Variants in KLF12 observed in about 807,000 individuals in gnomAD.
KLF12 encodes KLF transcription factor 12.
Under a neutral mutation model 37.8 loss-of-function variants are expected in KLF12, and 9 were observed. The observed-to-expected ratio is 0.24, with a 90% CI of 0.14 to 0.42. KLF12 has a LOEUF of 0.42. Ranked by LOEUF, KLF12 falls within the 10% of genes least tolerant of loss-of-function variation. The pLI, the probability that KLF12 is intolerant of heterozygous loss-of-function variation, is 1.00. For synonymous variants in KLF12, 208 were observed against 202.1 expected (o/e 1.03, Z -0.25); for missense variants, 411 against 516.0 (o/e 0.80, Z 1.97).
intron 1 of KLF12, among the ~76,000 whole-genome samples, chr13:74,035,359 A>T (rs9318241): frequency 0.04 from 6,124 of 152,222 alleles, 249 homozygotes; most frequent in East Asian, 0.2. Flanking sequence ...TGTGGATGAG[A>T]AACCCTTGGA....
intron 4 of KLF12, among the ~76,000 whole-genome samples, chr13:73,835,394 T>C (rs185088878): frequency 8.5e-5 from 13 of 152,088 alleles, no homozygotes; most frequent in Admixed American, 4.6e-4. Flanking sequence ...CCATATTACA[T>C]GACTTCTGGA....
chr13:74,147,272 G>T, the KLF12 span, among the ~76,000 whole-genome samples: 1 of 152,190 alleles, frequency 6.6e-6, no homozygotes, highest in Non-Finnish European at 1.5e-5. Flanking sequence ...ACCCCTTCCT[G>T]GTTGGAGAAG....
chr13:74,169,319 A>C, the KLF12 span, among the ~76,000 whole-genome samples: 39,941 of 152,168 alleles, frequency 0.26, 7,923 homozygotes, highest in African/African-American at 0.56. Context: ...ACCATCTAAC[A>C]CTAACATTGT....
At chr13:73,852,489 T>C (rs2138732992) in intron 3 of KLF12, among the ~76,000 whole-genome samples, 1 of 152,250 alleles carries the variant, frequency 6.6e-6, no homozygotes, top group East Asian at 1.9e-4. Flanking sequence ...GTTTAAGAAA[T>C]GATTGATTCC....
the KLF12 span, among the ~76,000 whole-genome samples, chr13:74,213,934 C>A: frequency 6.6e-6 from 1 of 151,980 alleles, no homozygotes; most frequent in Admixed American, 6.6e-5. Context: ...ATTTTTACCT[C>A]ATCTCATACT....
At chr13:74,291,891 C>T in the KLF12 span, among the ~76,000 whole-genome samples, 2 of 152,166 alleles carry the variant, frequency 1.3e-5, no homozygotes, top group African/African-American at 4.8e-5. Context: ...AATGTCTTCT[C>T]AGCTGTGTAT....
chr13:73,699,390 A>G (rs1197909926), intron 7 of KLF12, among the ~76,000 whole-genome samples: 3 of 151,952 alleles, frequency 2.0e-5, no homozygotes, highest in Non-Finnish European at 4.4e-5. Context: ...CGCCTCCAAA[A>G]TATAAAAATA....
the KLF12 span, among the ~76,000 whole-genome samples, chr13:74,177,832 G>T: frequency 6.6e-6 from 1 of 152,120 alleles, no homozygotes. Flanking sequence ...TTGATGCTAG[G>T]TAATTCATTT....
chr13:74,211,718 A>G, the KLF12 span, among the ~76,000 whole-genome samples: 1 of 152,138 alleles, frequency 6.6e-6, no homozygotes, highest in Admixed American at 6.6e-5. Context: ...GTATGTAGTG[A>G]TTGTACTCCT....
upstream of KLF12, among the ~76,000 whole-genome samples, chr13:74,138,271 A>G (rs1878616828): frequency 6.6e-6 from 1 of 152,254 alleles, no homozygotes; most frequent in Non-Finnish European, 1.5e-5. Context: ...AGAATTAACT[A>G]GAAAGGAAAA....
the KLF12 span, among the ~76,000 whole-genome samples, chr13:74,281,675 A>AT: frequency 4.1e-3 from 621 of 152,326 alleles, 3 homozygotes; most frequent in South Asian, 0.018. Context: ...ATATGTACAA[A>AT]TTCAGTGGCT....
chr13:73,947,796 C>T (rs2139390303), intron 2 of KLF12, among the ~76,000 whole-genome samples: 1 of 152,216 alleles, frequency 6.6e-6, no homozygotes, highest in Admixed American at 6.5e-5. Context: ...ACGGACTGAT[C>T]TTCAATGACC....
rs758203602 is a variant in KLF12, at chr13:74,009,364, G to A, written c.-31-14311C>T. 1.2e-3 allele frequency among the ~76,000 whole-genome samples: 177 copies of A among 152,260 alleles called. 1 individual carries two copies. The highest frequency in any genetic ancestry group is 3.9e-3 in the African/African-American group (163 of 41,546). Reference sequence around the variant, plus strand: ...ACACATTATGTTAAGTAATCTTCACGGTAACCTTGTGAAGAAAGGATAGTA... The same window carrying A: ...ACACATTATGTTAAGTAATCTTCACAGTAACCTTGTGAAGAAAGGATAGTA... On this transcript the variant is annotated intron_variant, in intron 1 of 7. Coordinates refer to ENST00000377669, the MANE Select transcript of KLF12 (RefSeq NM_007249.5).
chr13:74,032,069 GCCT>G (rs1319407963), intron 1 of KLF12, among the ~76,000 whole-genome samples: 1 of 152,064 alleles, frequency 6.6e-6, no homozygotes, highest in African/African-American at 2.4e-5. Context: ...GCGTACAGAG[GCCT>G]CCTCACACTA....
chr13:73,789,249 T>C (rs1021046419), intron 5 of KLF12, among the ~76,000 whole-genome samples: 1 of 152,188 alleles, frequency 6.6e-6, no homozygotes, highest in Non-Finnish European at 1.5e-5. Context: ...CTGAAGTACT[T>C]TAGAGTCACA....
At chr13:73,738,102 T>TACACACACATATATGTATGTGTAC (rs1566331080) in intron 6 of KLF12, among the ~76,000 whole-genome samples, 2 of 98,584 alleles carry the variant, frequency 2.0e-5, no homozygotes, top group African/African-American at 8.9e-5. Context: ...CATATATATA[T>TACACACACATATATGTATGTGTAC]ATATATATAT....
the KLF12 span, among the ~76,000 whole-genome samples, chr13:74,204,621 TGA>T: frequency 1.3e-5 from 2 of 152,168 alleles, no homozygotes; most frequent in African/African-American, 4.8e-5. Flanking sequence ...ATTGCAGTTT[TGA>T]GAGATACATA....
intron 6 of KLF12, among the ~76,000 whole-genome samples, chr13:73,731,456 A>T (rs1226511234): frequency 6.7e-6 from 1 of 150,342 alleles, no homozygotes; most frequent in Non-Finnish European, 1.5e-5. Flanking sequence ...TCATAAAATA[A>T]ACTTAATGGT....
At chr13:73,910,901 A>G (rs986167466) in intron 3 of KLF12, among the ~76,000 whole-genome samples, 47 of 152,152 alleles carry the variant, frequency 3.1e-4, no homozygotes, top group Non-Finnish European at 4.4e-5. Context: ...AGAGGAAGAG[A>G]CACATGAGCT....
Sources: gnomAD v4.1 joint callset for allele counts (sites outside exome capture counted in the v4.1 genomes callset) on GRCh38, gnomAD v4.1.1 for gene constraint, MANE v1.5 for transcripts, NCBI Gene and HGNC (gene_info 2026-07-23, HGNC 2026-07-21) for gene names.